The following DCAF1 variants were observed in gnomAD, a reference collection of about 807,000 sequenced individuals.
DCAF1 encodes DDB1 and CUL4 associated factor 1, also known as DDB1- and CUL4-associated factor 1.
DCAF1 carries 15 observed loss-of-function variants against 128.0 expected under a neutral mutation model. That is an observed-to-expected ratio of 0.12 (90% CI 0.08 to 0.18). The LOEUF (loss-of-function observed/expected upper bound fraction) is 0.18. DCAF1 is among the 10% of genes least tolerant of loss of function. DCAF1 has a pLI of 1.00. For synonymous variants in DCAF1, 610 were observed against 603.0 expected (o/e 1.01, Z -0.17); for missense variants, 988 against 1,649.5 (o/e 0.60, Z 6.95).
chr3:51,456,069 G>A (rs1225054458), intron 6 of DCAF1, among the ~76,000 whole-genome samples: 1 of 152,334 alleles, frequency 6.6e-6, no homozygotes, highest in South Asian at 2.1e-4. Context: ...GCAGGACAGT[G>A]GGTGCAGTGC....
At chr3:51,434,047 A>G (rs1242533061) in intron 9 of DCAF1, among the ~76,000 whole-genome samples, 1 of 151,326 alleles carries the variant, frequency 6.6e-6, no homozygotes, top group African/African-American at 2.4e-5. Flanking sequence ...GCACCACTGC[A>G]CTGCAGCCTG....
At chr3:51,472,213 C>T (rs972157026) in intron 3 of DCAF1, among the ~76,000 whole-genome samples, 4 of 152,176 alleles carry the variant, frequency 2.6e-5, no homozygotes, top group Admixed American at 6.6e-5. Flanking sequence ...CATTAACCTT[C>T]GGTCACTGTT....
chr3:51,447,919 C>T (rs530044696), intron 6 of DCAF1, among the ~76,000 whole-genome samples: 27 of 151,998 alleles, frequency 1.8e-4, no homozygotes, highest in Non-Finnish European at 2.8e-4. Context: ...TGCATTCCAA[C>T]CTGGGCGACA....
chr3:51,478,419 T>A (rs1390104239), intron 3 of DCAF1, among the ~76,000 whole-genome samples: 14 of 152,292 alleles, frequency 9.2e-5, no homozygotes, highest in Admixed American at 3.3e-4. Context: ...GGATAAAATA[T>A]GATAATGTAA....
intron 6 of DCAF1, among the ~76,000 whole-genome samples, chr3:51,456,217 G>A (rs563017765): frequency 6.6e-5 from 10 of 152,274 alleles, no homozygotes; most frequent in Admixed American, 4.6e-4. Flanking sequence ...CTAATACTGC[G>A]CTTTTCCAAC....
At chr3:51,448,509 C>A (rs1384596891) in intron 6 of DCAF1, among the ~76,000 whole-genome samples, 7 of 152,128 alleles carry the variant, frequency 4.6e-5, no homozygotes, top group African/African-American at 1.7e-4. Context: ...AGCATGCATC[C>A]CTATACCCAG....
chr3:51,403,347 T>TGTC lies in DCAF1; in HGVS notation c.4258_4260dup (p.Asp1420dup). On this transcript the variant is annotated inframe_insertion, in exon 24 of 25. Transcript: ENST00000684031. ...GTGTCAAGCTCATCTAAATCATCGG[T>TGTC]GTCATCATCATCTTCATCATCATCT... 6.4e-7 allele frequency: 1 copy of TGTC among 1,556,292 alleles called. No individual in the cohort carries two copies. The highest frequency in any genetic ancestry group is 8.7e-7 in the Non-Finnish European group (1 of 1,149,460).
In DCAF1 at chr3:51,498,878, GGAT is replaced by G. The variant is rs1257583743; in HGVS notation, c.-56+992_-56+994del. Among the ~76,000 whole-genome samples, 7 of 152,068 alleles carry G rather than the reference GGAT, an allele frequency of 4.6e-5. No homozygotes were observed. In the East Asian group the frequency reaches 5.8e-4, roughly 13 times the overall value. ...CAGTAAGCTGGAAAAAGAAAATGCA[GGAT>G]GATATTACCAATTAACCTCTCATTC... is the stretch of plus-strand genomic sequence containing the variant. On this transcript the variant is annotated intron_variant, in intron 1 of 24. Coordinates refer to ENST00000684031, the MANE Select transcript of DCAF1 (RefSeq NM_001387579.1).
At chr3:51,410,733 G>C (rs1314093810) in intron 23 of DCAF1, among the ~76,000 whole-genome samples, 3 of 152,230 alleles carry the variant, frequency 2.0e-5, no homozygotes, top group Non-Finnish European at 4.4e-5. Flanking sequence ...TAACCATTGA[G>C]CATGATTTAT....
At chr3:51,426,211 T>C (rs1577107191) in intron 13 of DCAF1, among the ~76,000 whole-genome samples, 1 of 151,596 alleles carries the variant, frequency 6.6e-6, no homozygotes, top group South Asian at 2.1e-4. Flanking sequence ...ATGCAATGGG[T>C]TCACTTTTTT....
At chr3:51,423,232 C>CAGGCA (rs1699577421) in intron 13 of DCAF1, among the ~76,000 whole-genome samples, 1 of 152,176 alleles carries the variant, frequency 6.6e-6, no homozygotes. Flanking sequence ...GGTCTCATGC[C>CAGGCA]TGTAATCCTA....
chr3:51,413,424 C>T, intron 20 of DCAF1, 38 bp from the exon 21 acceptor site: 1 of 1,587,258 alleles, frequency 6.3e-7, no homozygotes, highest in Non-Finnish European at 8.6e-7. Context: ...TATTAGGAAT[C>T]ACAAACATCC....
rs782082143 is a variant in DCAF1 at position 51,418,882 on chromosome 3, C to CA, written c.3237-7dup. The CA allele has an allele frequency of 2.1e-4, 325 of 1,582,902 alleles. No homozygotes were observed. The highest frequency in any genetic ancestry group is 2.5e-4 in the Non-Finnish European group (291 of 1,167,304). On this transcript the variant is annotated splice_polypyrimidine_tract_variant and splice_region_variant and intron_variant, in intron 15 of 24. Coordinates refer to ENST00000684031, the MANE Select transcript of DCAF1 (RefSeq NM_001387579.1). Reference sequence around the variant, plus strand: ...ACACTGAAATAGGACGGAATCTAAGCAAAAAAAAGAGAGAATCACAGGCAA... The same window carrying CA: ...ACACTGAAATAGGACGGAATCTAAGCAAAAAAAAAGAGAGAATCACAGGCAA...
chr3:51,440,568 A>C (rs2107677831), intron 9 of DCAF1, among the ~76,000 whole-genome samples: 1 of 152,252 alleles, frequency 6.6e-6, no homozygotes, highest in East Asian at 1.9e-4. Context: ...ACCCCATTGC[A>C]CTCCAGCCTG....
intron 6 of DCAF1, among the ~76,000 whole-genome samples, chr3:51,455,434 G>A (rs1040560643): frequency 5.3e-5 from 8 of 151,908 alleles, no homozygotes; most frequent in Admixed American, 2.0e-4. Flanking sequence ...GTGAGACCTC[G>A]TCTCTACAAA....
chr3:51,451,942 ACTT>A (rs1212957810), intron 6 of DCAF1, among the ~76,000 whole-genome samples: 2 of 152,130 alleles, frequency 1.3e-5, no homozygotes, highest in East Asian at 1.9e-4. Context: ...TGTTTTTAAA[ACTT>A]CTTTTTCATA....
At chr3:51,484,408 G>A (rs1202446084) in intron 2 of DCAF1, among the ~76,000 whole-genome samples, 5 of 150,982 alleles carry the variant, frequency 3.3e-5, no homozygotes, top group Non-Finnish European at 7.4e-5. Context: ...GGGAGGTAGA[G>A]GTTGCAGTGA....
At chr3:51,446,886 G>C (rs782047582) in intron 6 of DCAF1, among the ~76,000 whole-genome samples, 2 of 150,514 alleles carry the variant, frequency 1.3e-5, no homozygotes, top group African/African-American at 2.4e-5. Flanking sequence ...GCTGAGCCCG[G>C]AAGGTGGAGA....
intron 5 of DCAF1, among the ~76,000 whole-genome samples, chr3:51,466,160 C>T (rs571839622): frequency 2.0e-5 from 3 of 152,274 alleles, no homozygotes; most frequent in South Asian, 4.1e-4. Context: ...CAAGATTGTG[C>T]CACTGCATTC....
Sources: allele counts gnomAD v4.1 joint callset (sites outside exome capture counted in the v4.1 genomes callset), GRCh38; gene constraint gnomAD v4.1.1; transcripts MANE v1.5; gene names NCBI Gene and HGNC (gene_info 2026-07-23, HGNC 2026-07-21).